ZBTB20: variants seen among roughly 807,000 people sequenced by gnomAD.
ZBTB20 encodes zinc finger and BTB domain-containing protein 20.
A neutral mutation model predicts 56.9 loss-of-function variants in ZBTB20; 9 were observed. The observed-to-expected ratio is 0.16, with a 90% CI of 0.10 to 0.28. ZBTB20 has a LOEUF of 0.28. Among genes scored for constraint, ZBTB20 ranks in the 10% least tolerant of loss-of-function variants. The probability of loss-of-function intolerance (pLI) is 1.00; values close to 1 mark genes in which losing one functional copy is unlikely to be tolerated. For synonymous variants in ZBTB20, 417 were observed against 420.7 expected, an observed-to-expected ratio of 0.99 and a Z score of 0.11; for missense variants, 655 against 1,003.0, an observed-to-expected ratio of 0.65 and a Z score of 4.69.
At chr3:114,710,243 T>A (rs1359352620) in intron 5 of ZBTB20, 2 of 152,200 alleles carry the variant, frequency 1.3e-5, no homozygotes, top group African/African-American at 4.8e-5. Flanking sequence ...TTCATCATCA[T>A]ATAATATGGG....
intron 6 of ZBTB20, among the ~76,000 whole-genome samples, chr3:114,591,376 G>C (rs1056678126): frequency 1.3e-5 from 2 of 152,090 alleles, no homozygotes; most frequent in Admixed American, 6.5e-5. Context: ...TCTACTTCTA[G>C]ATGCTATTTT....
In ZBTB20 at chr3:114,761,007, A is replaced by G. The variant is rs538897634; in HGVS notation, c.-343+40094T>C. On this transcript the variant is annotated intron_variant, in intron 5 of 11. Coordinates refer to ENST00000675478, the MANE Select transcript of ZBTB20 (RefSeq NM_001348800.3). ...AAGGAAATAATACTCCTAAACCCCC[A>G]AAAAGCTCTTTCATAGATAGTAAAT... Among the ~76,000 whole-genome samples the G allele has an allele frequency of 9.3e-4, 141 of 152,138 alleles. 1 individual carries two copies. The highest frequency in any genetic ancestry group is 1.6e-3 in the Non-Finnish European group (108 of 68,018).
intron 1 of ZBTB20, among the ~76,000 whole-genome samples, chr3:115,101,712 T>A (rs370445318): frequency 2.6e-5 from 4 of 152,210 alleles, no homozygotes; most frequent in African/African-American, 9.6e-5. Flanking sequence ...AAATAAAAAA[T>A]ATAAGTGCAT....
chr3:114,481,929 C>T (rs2041601219), intron 7 of ZBTB20, among the ~76,000 whole-genome samples: 1 of 152,212 alleles, frequency 6.6e-6, no homozygotes, highest in African/African-American at 2.4e-5. Context: ...CTTCTACTGA[C>T]CCTCTTGCCA....
At chr3:114,705,156 C>G (rs983974094) in intron 5 of ZBTB20, among the ~76,000 whole-genome samples, 11 of 152,276 alleles carry the variant, frequency 7.2e-5, no homozygotes, top group African/African-American at 2.4e-4. Context: ...AACTATGATG[C>G]CTTCCCTAAT....
intron 6 of ZBTB20, among the ~76,000 whole-genome samples, chr3:114,544,503 TTTCTTTC>T (rs1433742490): frequency 8.2e-5 from 12 of 146,142 alleles, no homozygotes; most frequent in African/African-American, 1.5e-4. Context: ...CTTTCTTTTC[TTTCTTTC>T]TTTTTTTTTT....
chr3:114,382,440 C>T (rs1014944204), intron 8 of ZBTB20, among the ~76,000 whole-genome samples: 3 of 152,204 alleles, frequency 2.0e-5, no homozygotes, highest in Non-Finnish European at 4.4e-5. Flanking sequence ...CTTGAATATC[C>T]TCCAGAACAT....
In ZBTB20 at chr3:114,348,729, T is replaced by C. The variant is rs559285563; in HGVS notation, c.1804+1545A>G. 5.3e-5 allele frequency among the ~76,000 whole-genome samples: 8 copies of C among 152,374 alleles called. No homozygotes were observed. In the South Asian group the frequency reaches 1.4e-3, roughly 28 times the overall value. On this transcript the variant is annotated intron_variant, in intron 11 of 11. Transcript: ENST00000675478. ...TTCCATGTTTGATGCCTTGCCTCTATCTCTGTTGCTTTCCTTCCCTTCAGT... is the reference window on the plus strand; with the variant it reads ...TTCCATGTTTGATGCCTTGCCTCTACCTCTGTTGCTTTCCTTCCCTTCAGT...
intron 4 of ZBTB20, among the ~76,000 whole-genome samples, chr3:114,809,721 C>G (rs2072375917): frequency 6.6e-6 from 1 of 151,970 alleles, no homozygotes; most frequent in Non-Finnish European, 1.5e-5. Context: ...TTTCTTTTAA[C>G]CACTTCTTAA....
In ZBTB20 at chr3:114,611,016, G is replaced by T. The variant is rs7626178; in HGVS notation, c.-295+82512C>A. ...GATACATGCTAGGCAATGATGGGTG[G>T]ATTAGGCATACAACGAAAGCAAGTT... On this transcript the variant is annotated intron_variant, in intron 6 of 11. Coordinates refer to ENST00000675478, the MANE Select transcript of ZBTB20 (RefSeq NM_001348800.3). Among the ~76,000 whole-genome samples, 1,436 of 152,258 alleles carry T rather than the reference G, an allele frequency of 9.4e-3. 25 individuals are homozygous for T. Among genetic ancestry groups the T allele is most frequent in the African/African-American group, 0.031 (1,306 of 41,562 alleles).
At position 115,027,476 on chromosome 3, in the gene ZBTB20, A is replaced by G. The variant is rs2080472787; in HGVS notation, c.-507+43743T>C. ...ACTACCAATGTATTGATGGCTTCCA[A>G]ATTTCTCTTCAGGTATGAATTCTCC... is the stretch of plus-strand genomic sequence containing the variant. On this transcript the variant is annotated intron_variant, in intron 2 of 11. Coordinates refer to ENST00000675478, the MANE Select transcript of ZBTB20 (RefSeq NM_001348800.3). The G allele has an allele frequency of 2.0e-5, 3 of 150,872 alleles. No individual in the cohort carries two copies. The South Asian group carries it at 6.2e-4, about 31-fold the overall frequency. 9.3% of individuals were successfully genotyped at this position (150,872 alleles called of 1,614,324 possible).
At chr3:114,425,016 C>T (rs1275453818) in intron 7 of ZBTB20, among the ~76,000 whole-genome samples, 1 of 152,006 alleles carries the variant, frequency 6.6e-6, no homozygotes, top group African/African-American at 2.4e-5. Context: ...ATATTAAGGA[C>T]CAAGTTGAAA....
chr3:114,668,987 GAAC>G (rs1221392500), intron 6 of ZBTB20, among the ~76,000 whole-genome samples: 1 of 151,982 alleles, frequency 6.6e-6, no homozygotes, highest in Non-Finnish European at 1.5e-5. Context: ...GCAAACAAGT[GAAC>G]AACAACAACA....
Position 114,315,726 on chromosome 3 carries a change from G to A in ZBTB20, c.*23279C>T, listed in dbSNP as rs2078658449. On this transcript the variant is annotated 3_prime_UTR_variant, in exon 12 of 12. Transcript: ENST00000675478. Reference sequence around the variant, plus strand: ...CGAATCTTATCACAACACTGCGGCGGGAAAATCAGGAAATGGGTTCACCTT... The same window carrying A: ...CGAATCTTATCACAACACTGCGGCGAGAAAATCAGGAAATGGGTTCACCTT... 1 of 101,746 alleles carries A rather than the reference G, an allele frequency of 9.8e-6. No homozygotes were observed. Among genetic ancestry groups the A allele is most frequent in the African/African-American group, 3.7e-5 (1 of 27,028 alleles). The allele number at this position is 101,746 out of a possible 1,614,324, so 6.3% of individuals were successfully genotyped here. A position where few individuals can be genotyped will look rare whatever the true frequency, so the allele number is the denominator to read the frequency against.
intron 6 of ZBTB20, among the ~76,000 whole-genome samples, chr3:114,555,049 G>A (rs2051031535): frequency 6.6e-6 from 1 of 152,144 alleles, no homozygotes; most frequent in Non-Finnish European, 1.5e-5. Context: ...ACAGAGAAGT[G>A]CAGACAAAGG....
intron 4 of ZBTB20, among the ~76,000 whole-genome samples, chr3:114,893,972 T>G (rs9842735): frequency 0.43 from 65,071 of 152,026 alleles, 14,874 homozygotes; most frequent in Non-Finnish European, 0.53. Context: ...AGTCAGTGAT[T>G]AGGCATTTAT....
At chr3:114,806,467 C>A (rs2072112614) in intron 4 of ZBTB20, among the ~76,000 whole-genome samples, 1 of 151,814 alleles carries the variant, frequency 6.6e-6, no homozygotes, top group South Asian at 2.1e-4. Flanking sequence ...TTGAAGAATT[C>A]TTTATATATT....
Position 114,971,083 on chromosome 3 carries a change from T to C in ZBTB20, c.-456+3283A>G, listed in dbSNP as rs148998683. ...CATTTAGAGAGAACATATGGTACAATTATGAGTATCAAAACTGGGAATTTA... is the reference window on the plus strand; with the variant it reads ...CATTTAGAGAGAACATATGGTACAACTATGAGTATCAAAACTGGGAATTTA... On this transcript the variant is annotated intron_variant, in intron 3 of 11. Transcript: ENST00000675478. Among the ~76,000 whole-genome samples the C allele has an allele frequency of 2.0e-5, 3 of 152,262 alleles. No individual in the cohort carries two copies. The East Asian group carries it at 5.8e-4, about 29-fold the overall frequency.
intron 5 of ZBTB20, among the ~76,000 whole-genome samples, chr3:114,741,290 A>G (rs1017168915): frequency 1.3e-5 from 2 of 152,174 alleles, no homozygotes; most frequent in Admixed American, 6.5e-5. Context: ...ATTCCCAAAT[A>G]GGCATGTGAC....
Sources: allele counts gnomAD v4.1 joint callset (sites outside exome capture counted in the v4.1 genomes callset), GRCh38; gene constraint gnomAD v4.1.1; transcripts MANE v1.5; gene names NCBI Gene and HGNC (gene_info 2026-07-23, HGNC 2026-07-21).